CCDC110: variants seen among roughly 807,000 people sequenced by gnomAD.
The protein encoded by CCDC110 is coiled-coil domain-containing protein 110.
CCDC110 carries 70 observed loss-of-function variants against 77.1 expected under a neutral mutation model. The observed-to-expected ratio is 0.91, with a 90% CI of 0.75 to 1.11. The LOEUF (loss-of-function observed/expected upper bound fraction) is 1.11. Ranked by LOEUF, CCDC110 falls within the 50% of genes least tolerant of loss-of-function variation. The pLI, the probability that CCDC110 is intolerant of heterozygous loss-of-function variation, is 0.00. For missense variants in CCDC110, 868 were observed against 942.9 expected (o/e 0.92, Z 1.04); for synonymous variants, 295 against 312.5 (o/e 0.94, Z 0.59).
chr4:185,454,736 G>A (rs2095633819), intron 6 of CCDC110, among the ~76,000 whole-genome samples: 1 of 152,006 alleles, frequency 6.6e-6, no homozygotes, highest in Non-Finnish European at 1.5e-5. Context: ...AAGAAAGAAA[G>A]TGACCTAAAA....
chr4:185,453,536 A>G (rs2095632032), intron 6 of CCDC110, among the ~76,000 whole-genome samples: 1 of 149,676 alleles, frequency 6.7e-6, no homozygotes, highest in South Asian at 2.1e-4. Context: ...CAAAGCACAC[A>G]GTCTTGCTTT....
In CCDC110 at chr4:185,458,735, CTT is replaced by C. The variant is rs759076166; in HGVS notation, c.1850_1851del (p.Lys617ArgfsTer21). On this transcript the variant is annotated frameshift_variant, in exon 6 of 7. Coordinates refer to ENST00000307588, the MANE Select transcript of CCDC110 (RefSeq NM_152775.4). LOFTEE classifies it high-confidence loss of function. The part of the protein sequence containing the change: ...KESQLEIIQL[K>X]EKERLAKTEQ... ...TCCGTTTTTGCCAATCTTTCTTTCT[CTT>C]TTAGCTGGATTATCTCTAGCTGGCT... is the stretch of plus-strand genomic sequence containing the variant. 1 of 1,607,722 alleles carries C rather than the reference CTT, an allele frequency of 6.2e-7. No individual in the cohort carries two copies. Among genetic ancestry groups the C allele is most frequent in the Non-Finnish European group, 8.5e-7 (1 of 1,178,658 alleles).
chr4:185,463,601 CTTT>C (rs767643251), intron 2 of CCDC110, among the ~76,000 whole-genome samples: 9 of 152,336 alleles, frequency 5.9e-5, no homozygotes, highest in Middle Eastern at 6.8e-3. Context: ...TGGAACACTT[CTTT>C]ACCAAGGGGA....
At chr4:185,455,884 C>A (rs1226210798) in intron 6 of CCDC110, among the ~76,000 whole-genome samples, 3 of 147,876 alleles carry the variant, frequency 2.0e-5, no homozygotes, top group African/African-American at 5.0e-5. Flanking sequence ...GACTCCATCT[C>A]AAAAAAAAAA....
chr4:185,471,419 T>C, intron 1 of CCDC110: 1 of 346,696 alleles, frequency 2.9e-6, no homozygotes, highest in Non-Finnish European at 5.3e-6. Context: ...CGCGGCGCTT[T>C]CCGCAAGCGG....
chr4:185,451,169 G>C (rs79680398), intron 6 of CCDC110, among the ~76,000 whole-genome samples: 34,940 of 152,084 alleles, frequency 0.23, 4,541 homozygotes, highest in Non-Finnish European at 0.3. Flanking sequence ...CACCTTCCAT[G>C]ATGATTGTGA....
chr4:185,449,692 C>T (rs73873453), intron 6 of CCDC110: 107,607 of 1,243,610 alleles, frequency 0.087, 6,508 homozygotes, highest in African/African-American at 0.3. Context: ...GAGTAATTCA[C>T]TATCAAGAGC....
intron 6 of CCDC110, chr4:185,452,355 A>T (rs2095630396): frequency 3.0e-6 from 3 of 985,460 alleles, no homozygotes; most frequent in Non-Finnish European, 3.6e-6. Flanking sequence ...GTCTGCTTAC[A>T]TCTGTTCAAG....
rs770315247 is a variant in CCDC110 at position 185,445,476 on chromosome 4, G to C, written c.*26C>G. 4 of 1,522,238 alleles carry C rather than the reference G, an allele frequency of 2.6e-6. No homozygotes were observed. The highest frequency in any genetic ancestry group is 1.4e-5 in the African/African-American group (1 of 72,482). The allele number at this position is 1,522,238 out of a possible 1,614,324, so 94.3% of individuals were successfully genotyped here. A position where few individuals can be genotyped will look rare whatever the true frequency, so the allele number is the denominator to read the frequency against. ...ATTAACATTGGCTATTTCTCGAAGG[G>C]AGTTTCTTAGCAATCTTGAGGAATC... is the stretch of plus-strand genomic sequence containing the variant. On this transcript the variant is annotated 3_prime_UTR_variant, in exon 7 of 7. Coordinates refer to ENST00000307588, the MANE Select transcript of CCDC110 (RefSeq NM_152775.4).
At position 185,459,683 on chromosome 4, in the gene CCDC110, T is replaced by C; in HGVS notation, c.904A>G (p.Asn302Asp). ...TTTGATTTTATATCTTCATTTAAGT[T>C]ACCGTCCAAGTTTTCTTCCTTAATA... ...NFIKEENLDG[N>D]LNEDIKSKRI... The change falls in exon 6 of 7, where the codon AAC (asparagine) becomes GAC (aspartate). Residue 302 changes from asparagine (N) to aspartate (D), a missense_variant. Transcript: ENST00000307588. 1 of 1,612,216 alleles carries C rather than the reference T, an allele frequency of 6.2e-7. No homozygotes were observed. The highest frequency in any genetic ancestry group is 1.1e-5 in the South Asian group (1 of 90,364).
At chr4:185,460,371 A>G in intron 5 of CCDC110, 133 bp from the exon 6 acceptor site, 2 of 597,488 alleles carry the variant, frequency 3.3e-6, no homozygotes, top group Non-Finnish European at 5.5e-6. Context: ...GCAAAGGAGC[A>G]TAACAAGTAT....
chr4:185,450,578 C>G (rs2095627365), intron 6 of CCDC110, among the ~76,000 whole-genome samples: 1 of 152,106 alleles, frequency 6.6e-6, no homozygotes, highest in Admixed American at 6.6e-5. Context: ...GAAACCCTGT[C>G]TCTACTAACA....
intron 2 of CCDC110, among the ~76,000 whole-genome samples, chr4:185,466,243 CATGT>C (rs2095655687): frequency 6.6e-6 from 1 of 152,022 alleles, no homozygotes; most frequent in African/African-American, 2.4e-5. Context: ...GGTGTGGTGG[CATGT>C]GCCTGTAATC....
intron 6 of CCDC110, among the ~76,000 whole-genome samples, chr4:185,447,424 C>A (rs951157620): frequency 6.6e-6 from 1 of 152,204 alleles, no homozygotes; most frequent in Non-Finnish European, 1.5e-5. Context: ...TCGTGATCCA[C>A]CCACCTTGGC....
chr4:185,461,061 A>G lies in CCDC110; in HGVS notation c.336T>C (p.Ile112=). ...TAGAATAACATACCAAATCCTTTTC[A>G]ATGCGCGTGCCAAACACCAGATTTT... is the stretch of plus-strand genomic sequence containing the variant. ...SEKNLVFGTR[I]EKDLPTENQE... is the part of the protein sequence containing the mutation. Residue 112 remains isoleucine, a synonymous_variant, in exon 5 of 7, where the codon ATT becomes ATC. Transcript: ENST00000307588. 6.5e-7 allele frequency: 1 copy of G among 1,531,446 alleles called. No individual in the cohort carries two copies. The highest frequency in any genetic ancestry group is 8.9e-7 in the Non-Finnish European group (1 of 1,125,792). 94.9% of individuals were successfully genotyped at this position (1,531,446 alleles called of 1,614,324 possible).
intron 2 of CCDC110, among the ~76,000 whole-genome samples, chr4:185,464,165 A>T (rs1227473125): frequency 6.6e-6 from 1 of 152,166 alleles, no homozygotes; most frequent in African/African-American, 2.4e-5. Flanking sequence ...ACGTTCCCCT[A>T]GGCTGATAAT....
At chr4:185,455,180 T>C (rs1273230879) in intron 6 of CCDC110, among the ~76,000 whole-genome samples, 1 of 151,928 alleles carries the variant, frequency 6.6e-6, no homozygotes, top group Non-Finnish European at 1.5e-5. Flanking sequence ...TTTTATATTG[T>C]CAATGTTTTT....
At chr4:185,462,063 A>T (rs188356849) in intron 4 of CCDC110, among the ~76,000 whole-genome samples, 67 of 152,146 alleles carry the variant, frequency 4.4e-4, no homozygotes, top group African/African-American at 1.5e-3. Context: ...ATGCCACCAC[A>T]CTCCAGCCTG....
intron 2 of CCDC110, 41 bp downstream of exon 2, chr4:185,470,902 CTG>C: frequency 7.2e-7 from 1 of 1,384,164 alleles, no homozygotes; most frequent in South Asian, 1.2e-5. Flanking sequence ...ATGCTGCCGC[CTG>C]TGTATAGTTA....
Sources: allele counts gnomAD v4.1 joint callset (sites outside exome capture counted in the v4.1 genomes callset), GRCh38; gene constraint gnomAD v4.1.1; transcripts MANE v1.5; gene names NCBI Gene and HGNC (gene_info 2026-07-23, HGNC 2026-07-21).